The following LRRC36 variants were observed in gnomAD, a reference collection of about 807,000 sequenced individuals.
The protein encoded by LRRC36 is leucine rich repeat containing 36, also known as leucine-rich repeat-containing protein 36.
LRRC36 carries 62 observed loss-of-function variants against 81.1 expected under a neutral mutation model. The ratio of observed to expected loss-of-function variants is 0.76; its 90% CI spans 0.62 to 0.94. The LOEUF (loss-of-function observed/expected upper bound fraction) is 0.94, where lower values mean the gene tolerates loss of function less well. LRRC36 is among the 40% of genes least tolerant of loss of function. The pLI, the probability that LRRC36 is intolerant of heterozygous loss-of-function variation, is 0.00. For missense variants in LRRC36, 761 were observed against 881.7 expected (o/e 0.86, Z 1.73); for synonymous variants, 334 against 348.6 (o/e 0.96, Z 0.47).
chr16:67,326,956 G>A, intron 1 of LRRC36, 24 bp downstream of exon 1: 1 of 1,492,584 alleles, frequency 6.7e-7, no homozygotes, highest in South Asian at 1.4e-5. Flanking sequence ...GGGAGGGTGT[G>A]GACTGGGAAC....
In LRRC36 at chr16:67,384,931, T is replaced by C. The variant is rs1237802614; in HGVS notation, c.2107T>C (p.Ser703Pro). 6.2e-7 allele frequency: 1 copy of C among 1,614,120 alleles called. No homozygotes were observed. Among genetic ancestry groups the C allele is most frequent in the Non-Finnish European group, 8.5e-7 (1 of 1,180,044 alleles). ...GCTGAATAAGGAGCCAAAAGGTTATTCCGGGAAAGCGCTCCTGCCTCCTGA... is the reference window on the plus strand; with the variant it reads ...GCTGAATAAGGAGCCAAAAGGTTATCCCGGGAAAGCGCTCCTGCCTCCTGA... ...QQLNKEPKGY[S>P]GKALLPPEKG... The change falls in exon 14 of 14, where the codon TCC (serine) becomes CCC (proline). Residue 703 changes from serine to proline, a missense_variant. Ser to Pro is a moderately conservative substitution (Grantham distance 74, BLOSUM62 -1). Transcript: ENST00000329956.
rs763135618 is a variant in LRRC36, at chr16:67,384,876, G to C, written c.2052G>C (p.Leu684=). The C allele has an allele frequency of 6.2e-7, 1 of 1,613,732 alleles. No homozygotes were observed. The highest frequency in any genetic ancestry group is 1.7e-5 in the Admixed American group (1 of 60,016). ...VAILHESQRS[L]VVTNEYLLQQ... The stretch of plus-strand genomic sequence containing the variant: ...TTTTTCCCTTGGGCCTCAGATCCCT[G>C]GTGGTAACTAATGAGTATCTGCTGC... The change falls in exon 14 of 14, where the codon CTG becomes CTC. Residue 684 remains leucine (L), a synonymous_variant. Coordinates refer to ENST00000329956, the MANE Select transcript of LRRC36 (RefSeq NM_018296.6).
rs2039608785 is a variant in LRRC36 at position 67,370,936 on chromosome 16, C to A, written c.1196-8C>A. 1.2e-6 allele frequency: 2 copies of A among 1,606,226 alleles called. No homozygotes were observed. The highest frequency in any genetic ancestry group is 1.7e-6 in the Non-Finnish European group (2 of 1,173,924). On this transcript the variant is annotated splice_region_variant and splice_polypyrimidine_tract_variant and intron_variant, in intron 8 of 13. Coordinates refer to ENST00000329956, the MANE Select transcript of LRRC36 (RefSeq NM_018296.6). ...GCAGGTTCATCTGTTAGCCTGTTTC[C>A]TCCACAGATCTGTATGCCACAACCC... is the stretch of plus-strand genomic sequence containing the variant.
intron 8 of LRRC36, 82 bp from the exon 9 acceptor site, chr16:67,370,862 G>A: frequency 1.7e-6 from 2 of 1,175,590 alleles, no homozygotes; most frequent in East Asian, 2.4e-5. Flanking sequence ...TATGACCCTT[G>A]GACTACAGGC....
In LRRC36 at chr16:67,351,631, C is replaced by T. The variant is rs568932172; in HGVS notation, c.577+1341C>T. Among the ~76,000 whole-genome samples the T allele has an allele frequency of 2.6e-5, 4 of 152,266 alleles. No individual in the cohort carries two copies. The East Asian group carries it at 5.8e-4, about 22-fold the overall frequency. ...CTGAGGCATGAGAATTGCTTGAACCCGGGAAGCGGAGGTTGCAGTGAGCCC... is the reference window on the plus strand; with the variant it reads ...CTGAGGCATGAGAATTGCTTGAACCTGGGAAGCGGAGGTTGCAGTGAGCCC... On this transcript the variant is annotated intron_variant, in intron 5 of 13. Transcript: ENST00000329956.
chr16:67,326,945 C>T lies in LRRC36; in HGVS notation c.70+13C>T. ...CTGGAGCAGCCGGGTAGGGTCTGGCCGGGAGGGTGTGGACTGGGAACGTAG... is the reference window on the plus strand; with the variant it reads ...CTGGAGCAGCCGGGTAGGGTCTGGCTGGGAGGGTGTGGACTGGGAACGTAG... On this transcript the variant is annotated intron_variant, in intron 1 of 13. Coordinates refer to ENST00000329956, the MANE Select transcript of LRRC36 (RefSeq NM_018296.6). 6.7e-7 allele frequency: 1 copy of T among 1,498,142 alleles called. No individual in the cohort carries two copies. Among genetic ancestry groups the T allele is most frequent in the Non-Finnish European group, 8.8e-7 (1 of 1,135,208 alleles). The allele number at this position is 1,498,142 out of a possible 1,614,324, so 92.8% of individuals were successfully genotyped here. A position where few individuals can be genotyped will look rare whatever the true frequency, so the allele number is the denominator to read the frequency against.
chr16:67,372,653 C>G (rs1355927199), intron 9 of LRRC36, among the ~76,000 whole-genome samples: 2 of 152,194 alleles, frequency 1.3e-5, no homozygotes, highest in Non-Finnish European at 2.9e-5. Context: ...TAATAATTTA[C>G]TGCCCTGTAA....
chr16:67,331,989 A>C lies in LRRC36; in HGVS notation c.70+5057A>C, dbSNP rs187962615. 5.0e-3 allele frequency among the ~76,000 whole-genome samples: 741 copies of C among 147,082 alleles called. 1 individual carries two copies. Among genetic ancestry groups the C allele is most frequent in the Non-Finnish European group, 9.3e-3 (617 of 66,290 alleles). The stretch of plus-strand genomic sequence containing the variant: ...GGCAAAGAGAGCGAAACTCCATCTC[A>C]AAAAAAAAAAGAAAAAGAAAAAGTT... On this transcript the variant is annotated intron_variant, in intron 1 of 13. Coordinates refer to ENST00000329956, the MANE Select transcript of LRRC36 (RefSeq NM_018296.6).
At chr16:67,347,112 T>A (rs2038387004) in intron 3 of LRRC36, among the ~76,000 whole-genome samples, 1 of 152,160 alleles carries the variant, frequency 6.6e-6, no homozygotes, top group South Asian at 2.1e-4. Context: ...ATTTTATTGT[T>A]GAGTATACAT....
At chr16:67,343,156 CTTTTG>C (rs1311562151) in intron 2 of LRRC36, among the ~76,000 whole-genome samples, 1 of 152,186 alleles carries the variant, frequency 6.6e-6, no homozygotes, top group Non-Finnish European at 1.5e-5. Context: ...TAGGTCTCCT[CTTTTG>C]TTTGTTTATT....
chr16:67,341,940 T>C lies in LRRC36; in HGVS notation c.71-17T>C. ...CGAGCAGGGATCATAATATATCTAC[T>C]GATGATCTCTTTTCAGAACTGGTGG... On this transcript the variant is annotated splice_polypyrimidine_tract_variant and intron_variant, in intron 1 of 13. Coordinates refer to ENST00000329956, the MANE Select transcript of LRRC36 (RefSeq NM_018296.6). 6.2e-7 allele frequency: 1 copy of C among 1,600,286 alleles called. No homozygotes were observed. The highest frequency in any genetic ancestry group is 1.1e-5 in the South Asian group (1 of 89,060).
intron 5 of LRRC36, among the ~76,000 whole-genome samples, chr16:67,355,436 G>A (rs1465190664): frequency 2.8e-5 from 4 of 141,534 alleles, no homozygotes; most frequent in African/African-American, 8.0e-5. Context: ...GTGCAGTGGC[G>A]GGATCTCGGC....
rs1423394819 is a variant in LRRC36 at position 67,385,069 on chromosome 16, G to T, written c.2245G>T (p.Ala749Ser). ...TCTAATACAGAGCGTCTTGGATGCT[G>T]CCCCAGAGCCTGGCTTATAGAGCTA... is the stretch of plus-strand genomic sequence containing the variant. ...QYLIQSVLDAAPEPGL is the reference protein window; with the variant it reads ...QYLIQSVLDASPEPGL Residue 749 changes from alanine (A) to serine (S), a missense_variant, in exon 14 of 14, where the codon GCC becomes TCC. Physicochemically the swap from Ala to Ser is moderately conservative, Grantham distance 99. This residue lies in a region of LRRC36 where 359 missense variants were observed against 388.4 expected (regional missense o/e 0.92). Transcript: ENST00000329956. The T allele has an allele frequency of 1.9e-6, 3 of 1,613,676 alleles. No individual in the cohort carries two copies. Among genetic ancestry groups the T allele is most frequent in the African/African-American group, 2.7e-5 (2 of 74,902 alleles).
intron 1 of LRRC36, among the ~76,000 whole-genome samples, chr16:67,332,590 C>T (rs767181680): frequency 5.3e-5 from 8 of 152,174 alleles, no homozygotes; most frequent in Admixed American, 1.3e-4. Flanking sequence ...AACACTGAAA[C>T]GAAATGCATA....
chr16:67,383,945 G>T (rs939095864), intron 13 of LRRC36, among the ~76,000 whole-genome samples: 1 of 152,210 alleles, frequency 6.6e-6, no homozygotes, highest in African/African-American at 2.4e-5. Flanking sequence ...ATTCATAGTG[G>T]TGTATAGAGT....
chr16:67,339,341 C>T (rs2037920421), intron 1 of LRRC36, among the ~76,000 whole-genome samples: 3 of 151,374 alleles, frequency 2.0e-5, no homozygotes, highest in African/African-American at 7.3e-5. Context: ...CTTTGTGGAC[C>T]CCTGTACATG....
intron 5 of LRRC36, among the ~76,000 whole-genome samples, chr16:67,355,418 A>G (rs2038853233): frequency 8.9e-6 from 1 of 112,944 alleles, no homozygotes; most frequent in African/African-American, 3.4e-5. Flanking sequence ...TCTGTCGCCC[A>G]GGCTGGAGTG....
intron 5 of LRRC36, among the ~76,000 whole-genome samples, chr16:67,351,392 T>A (rs1218769174): frequency 6.6e-6 from 1 of 152,132 alleles, no homozygotes. Context: ...TGACAAATGA[T>A]TTTTAGAGTA....
intron 2 of LRRC36, among the ~76,000 whole-genome samples, chr16:67,342,555 T>C (rs2038140371): frequency 6.6e-6 from 1 of 152,224 alleles, no homozygotes; most frequent in Admixed American, 6.5e-5. Flanking sequence ...AGGTGTGGTC[T>C]TGGGAAAATT....
Sources: allele counts gnomAD v4.1 joint callset (sites outside exome capture counted in the v4.1 genomes callset), GRCh38; gene constraint gnomAD v4.1.1; regional missense constraint gnomAD v4.1.1; transcripts MANE v1.5; gene names NCBI Gene and HGNC (gene_info 2026-07-23, HGNC 2026-07-21).